SUN1: variants seen among roughly 807,000 people sequenced by gnomAD.
SUN1 encodes the protein Sad1 and UNC84 domain containing 1.
In SUN1, 61 loss-of-function variants were observed where a neutral mutation model predicts 103.2. That is an observed-to-expected ratio of 0.59 (90% CI 0.48 to 0.73). The LOEUF (loss-of-function observed/expected upper bound fraction) is 0.73. Ranked by LOEUF, SUN1 falls within the 30% of genes least tolerant of loss-of-function variation. The probability of loss-of-function intolerance (pLI) is 0.00; values close to 1 mark genes in which losing one functional copy is unlikely to be tolerated. For missense variants in SUN1, 1,052 were observed against 1,034.6 expected (o/e 1.02, Z -0.23); for synonymous variants, 490 against 425.7 (o/e 1.15, Z -1.86).
intron 1 of SUN1, among the ~76,000 whole-genome samples, chr7:820,221 C>T (rs1784702936): frequency 2.0e-5 from 3 of 152,174 alleles, no homozygotes; most frequent in African/African-American, 7.2e-5. Flanking sequence ...GGAATGTCTT[C>T]CCATTTATGT....
chr7:861,021 C>G (rs1831803635), intron 14 of SUN1, among the ~76,000 whole-genome samples: 1 of 152,232 alleles, frequency 6.6e-6, no homozygotes, highest in Admixed American at 6.5e-5. Context: ...CAGCCAAGCC[C>G]TATCACTCAG....
rs1167867356 is a variant in SUN1, at chr7:852,809, G to A, written c.911-1G>A. 2 of 1,611,538 alleles carry A rather than the reference G, an allele frequency of 1.2e-6. No homozygotes were observed. Among genetic ancestry groups the A allele is most frequent in the Admixed American group, 3.3e-5 (2 of 59,780 alleles). On this transcript the variant is annotated splice_acceptor_variant, in intron 8 of 18. Transcript: ENST00000401592. LOFTEE classifies it high-confidence loss of function. ...TGTGTGTGGTGGCTCTTCTCTTTTA[G>A]CAGGTCTCTCCTTACGGGGCCAGGG...
intron 5 of SUN1, chr7:849,860 G>A (rs1299628537): frequency 2.6e-6 from 4 of 1,521,032 alleles, no homozygotes; most frequent in East Asian, 2.3e-5. Flanking sequence ...GCTATGCACG[G>A]CTGAGATGGA....
At chr7:841,772 C>G in intron 2 of SUN1, 174 bp from the exon 3 acceptor site, 1 of 655,996 alleles carries the variant, frequency 1.5e-6, no homozygotes, top group South Asian at 2.0e-5. Context: ...GATCCCAGCT[C>G]AAAAATTCCT....
intron 15 of SUN1, among the ~76,000 whole-genome samples, chr7:861,681 G>A (rs771452933): frequency 2.0e-5 from 3 of 152,210 alleles, no homozygotes; most frequent in African/African-American, 4.8e-5. Context: ...AGGGCTGGGG[G>A]TGCATGCTTG....
intron 3 of SUN1, 79 bp downstream of exon 3, chr7:842,209 T>G: frequency 1.3e-6 from 2 of 1,508,530 alleles, no homozygotes; most frequent in Non-Finnish European, 1.8e-6. Context: ...GGGGAGGCGG[T>G]GGCCAGGTTG....
chr7:823,278 G>T (rs1260636403), intron 1 of SUN1, among the ~76,000 whole-genome samples: 1 of 152,238 alleles, frequency 6.6e-6, no homozygotes, highest in African/African-American at 2.4e-5. Context: ...TAATCATTAT[G>T]ATTTGTGTTC....
chr7:853,233 C>G (rs1325587598), intron 9 of SUN1, 176 bp from the exon 10 acceptor site: 1 of 769,256 alleles, frequency 1.3e-6, no homozygotes, highest in Non-Finnish European at 2.0e-6. Flanking sequence ...GAGAAGCACC[C>G]ATAGTCAGCC....
intron 1 of SUN1, among the ~76,000 whole-genome samples, chr7:818,013 TC>T (rs953187955): frequency 1.3e-5 from 2 of 152,200 alleles, no homozygotes; most frequent in African/African-American, 2.4e-5. Flanking sequence ...TGTTTTTTTT[TC>T]CTCCTTTAAA....
chr7:861,379 G>T lies in SUN1; in HGVS notation c.1780-1G>T. ...GTCTTCCGTCCCTCGTGTCTGTCCA[G>T]CAAGCACGTGCCATCGTGAACAGCG... On this transcript the variant is annotated splice_acceptor_variant, in intron 14 of 18. Transcript: ENST00000401592. LOFTEE classifies it high-confidence loss of function. 6.2e-7 allele frequency: 1 copy of T among 1,614,188 alleles called. No individual in the cohort carries two copies. The highest frequency in any genetic ancestry group is 8.5e-7 in the Non-Finnish European group (1 of 1,180,028).
At position 866,006 on chromosome 7, in the gene SUN1, T is replaced by A; in HGVS notation, c.1919T>A (p.Leu640Gln). ...GAAACTTACGAAACCAAAACGGCGC[T>A]GATGAGTCTGTTTGGGATCCCGCTG... ...CSETYETKTA[L>Q]MSLFGIPLWY... Residue 640 changes from leucine (L) to glutamine (Q), a missense_variant, in exon 16 of 19, where the codon CTG becomes CAG. Physicochemically the swap from Leu to Gln is moderately radical, Grantham distance 113. Around this residue, in one of 2 missense-constraint regions of SUN1, gnomAD observed 206 missense variants for 260.1 expected, o/e 0.79. Transcript: ENST00000401592. 1 of 1,614,164 alleles carries A rather than the reference T, an allele frequency of 6.2e-7. No homozygotes were observed.
chr7:852,893 G>A lies in SUN1; in HGVS notation c.994G>A (p.Val332Met), dbSNP rs1200516966. The A allele has an allele frequency of 1.2e-6, 2 of 1,614,106 alleles. No individual in the cohort carries two copies. The highest frequency in any genetic ancestry group is 1.7e-6 in the Non-Finnish European group (2 of 1,180,028). ...NWASMHRTQRVDDPQDVFKPT... is the reference protein window; with the variant it reads ...NWASMHRTQRMDDPQDVFKPT... ...GGCAAGCATGCATAGAACACAGCGG[G>A]TGGATGACCCCCAGGACGTGTTTAA... Residue 332 changes from valine to methionine, a missense_variant, in exon 9 of 19, where the codon GTG (valine) becomes ATG (methionine). Transcript: ENST00000401592.
At chr7:816,810 C>T (rs1393301046) in intron 1 of SUN1, 3 of 148,590 alleles carry the variant, frequency 2.0e-5, no homozygotes, top group African/African-American at 7.3e-5. Context: ...GCCAGGGCCT[C>T]CTGGGCCAAC....
At chr7:826,965 A>T (rs1442062422) in intron 1 of SUN1, among the ~76,000 whole-genome samples, 2 of 152,200 alleles carry the variant, frequency 1.3e-5, no homozygotes, top group Non-Finnish European at 2.9e-5. Flanking sequence ...TTTAGAGCTG[A>T]TAGCATTTCC....
chr7:866,370 G>A (rs557061115), intron 16 of SUN1, among the ~76,000 whole-genome samples: 2 of 152,254 alleles, frequency 1.3e-5, no homozygotes, highest in East Asian at 1.9e-4. Context: ...GTGAGTGGCA[G>A]CTGTTCCTGC....
intron 6 of SUN1, 164 bp downstream of exon 6, chr7:851,646 G>T: frequency 1.4e-6 from 1 of 714,020 alleles, no homozygotes; most frequent in Non-Finnish European, 2.3e-6. Flanking sequence ...TTAACTGACT[G>T]TACTTGCTGC....
intron 15 of SUN1, among the ~76,000 whole-genome samples, chr7:865,050 T>A (rs1330007773): frequency 2.6e-5 from 4 of 152,216 alleles, no homozygotes; most frequent in Non-Finnish European, 1.5e-5. Context: ...GTTTTGGTTT[T>A]TAAATAAGTG....
At position 824,704 on chromosome 7, in the gene SUN1, T is replaced by A. The variant is rs142426539; in HGVS notation, c.-74+8031T>A. Among the ~76,000 whole-genome samples, 962 of 152,308 alleles carry A rather than the reference T, an allele frequency of 6.3e-3. 2 individuals are homozygous for A. Among genetic ancestry groups the A allele is most frequent in the South Asian group, 0.023 (110 of 4,824 alleles). Reference sequence around the variant, plus strand: ...TTTCTTTGACACTCAGCTGTTTTCTTGATGTTCAGGCTAGATGGGCTTGCT... The same window carrying A: ...TTTCTTTGACACTCAGCTGTTTTCTAGATGTTCAGGCTAGATGGGCTTGCT... On this transcript the variant is annotated intron_variant, in intron 1 of 17. Coordinates refer to the SUN1 transcript ENST00000389574.
chr7:857,025 C>T (rs1477551672), intron 12 of SUN1, among the ~76,000 whole-genome samples: 1 of 152,212 alleles, frequency 6.6e-6, no homozygotes, highest in African/African-American at 2.4e-5. Context: ...GGGCGGCTTT[C>T]TTCCACACGA....
Sources: gnomAD v4.1 joint callset for allele counts (sites outside exome capture counted in the v4.1 genomes callset) on GRCh38, gnomAD v4.1.1 for gene constraint, gnomAD v4.1.1 regional missense constraint, MANE v1.5 for transcripts, NCBI Gene and HGNC (gene_info 2026-07-23, HGNC 2026-07-21) for gene names.